Variants in DCDC2 observed in about 807,000 individuals in gnomAD.
The protein encoded by DCDC2 is doublecortin domain containing 2.
In DCDC2, 40 loss-of-function variants were observed where a neutral mutation model predicts 50.2. The ratio of observed to expected loss-of-function variants is 0.80; its 90% CI spans 0.62 to 1.04. The LOEUF (loss-of-function observed/expected upper bound fraction) is 1.04. DCDC2 is among the 50% of genes least tolerant of loss of function. DCDC2 has a pLI of 0.00. For missense variants in DCDC2, 570 were observed against 581.9 expected (o/e 0.98, Z 0.21); for synonymous variants, 234 against 210.6 (o/e 1.11, Z -0.96).
At chr6:24,281,771 A>T (rs975001854) in intron 6 of DCDC2, among the ~76,000 whole-genome samples, 1 of 152,122 alleles carries the variant, frequency 6.6e-6, no homozygotes, top group African/African-American at 2.4e-5. Flanking sequence ...GAGATAGGGG[A>T]GTTTTGCTAT....
At chr6:24,356,305 C>T (rs1006716229) in intron 1 of DCDC2, among the ~76,000 whole-genome samples, 3 of 152,180 alleles carry the variant, frequency 2.0e-5, no homozygotes, top group Admixed American at 6.5e-5. Context: ...ATAAGCCAGA[C>T]ATAAAGACCA....
intron 8 of DCDC2, among the ~76,000 whole-genome samples, chr6:24,198,608 G>T (rs1016091143): frequency 6.8e-6 from 1 of 147,156 alleles, no homozygotes; most frequent in African/African-American, 2.5e-5. Flanking sequence ...GCTAGCTACA[G>T]TTTTTTTTTT....
chr6:24,176,497 T>A (rs1047716637), intron 9 of DCDC2, among the ~76,000 whole-genome samples: 15 of 152,164 alleles, frequency 9.9e-5, no homozygotes, highest in African/African-American at 3.4e-4. Flanking sequence ...TCATTTGTCA[T>A]AATTGGCAAA....
intron 1 of DCDC2, chr6:24,357,220 G>A (rs1760485926): frequency 6.9e-6 from 3 of 433,530 alleles, no homozygotes; most frequent in Non-Finnish European, 1.2e-5. Flanking sequence ...GATTCCTGTT[G>A]TTTATACACA....
chr6:24,251,343 T>C (rs990256152), intron 7 of DCDC2, among the ~76,000 whole-genome samples: 1 of 152,188 alleles, frequency 6.6e-6, no homozygotes, highest in African/African-American at 2.4e-5. Flanking sequence ...TGCTGTGCTT[T>C]TCCTTATTAG....
chr6:24,337,047 C>T (rs1760068428), intron 2 of DCDC2, among the ~76,000 whole-genome samples: 1 of 152,138 alleles, frequency 6.6e-6, no homozygotes, highest in Non-Finnish European at 1.5e-5. Context: ...ATGATGCTCT[C>T]CCCTATTATC....
intron 7 of DCDC2, among the ~76,000 whole-genome samples, chr6:24,237,172 C>G (rs1465319923): frequency 7.5e-6 from 1 of 134,092 alleles, no homozygotes; most frequent in Admixed American, 7.2e-5. Flanking sequence ...GTCAGAATGG[C>G]TATCATGAAA....
intron 7 of DCDC2, among the ~76,000 whole-genome samples, chr6:24,274,758 C>T (rs867989213): frequency 1.1e-4 from 16 of 151,056 alleles, no homozygotes; most frequent in Admixed American, 5.3e-4. Context: ...TAAAAAATAA[C>T]GAAAAAATAT....
chr6:24,313,773 G>T (rs768558178), intron 2 of DCDC2, among the ~76,000 whole-genome samples: 4 of 152,178 alleles, frequency 2.6e-5, no homozygotes, highest in Non-Finnish European at 4.4e-5. Context: ...CCAACAGATG[G>T]CAAGAAAAGG....
At position 24,242,019 on chromosome 6, in the gene DCDC2, T is replaced by A. The variant is rs554396248; in HGVS notation, c.922+36030A>T. On this transcript the variant is annotated intron_variant, in intron 7 of 9. Coordinates refer to ENST00000378454, the MANE Select transcript of DCDC2 (RefSeq NM_016356.5). ...AGACCCCATCTCTACCAATTTTTTT[T>A]AAAACATTAGCCTGCTGTGGTGGTG... Among the ~76,000 whole-genome samples, 32 of 152,034 alleles carry A rather than the reference T, an allele frequency of 2.1e-4. 1 individual carries two copies. The East Asian group carries it at 3.7e-3, about 18-fold the overall frequency.
intron 2 of DCDC2, among the ~76,000 whole-genome samples, chr6:24,329,955 T>C (rs935397765): frequency 7.9e-5 from 12 of 152,120 alleles, no homozygotes; most frequent in African/African-American, 2.9e-4. Context: ...TCTTACACTT[T>C]CTTGAATACA....
At chr6:24,358,404 G>A (rs1277335581), upstream of DCDC2, 6 of 157,646 alleles carry the variant, frequency 3.8e-5, no homozygotes, top group African/African-American at 4.9e-5. Flanking sequence ...CTAAGACCAG[G>A]AGTTCTAGAC....
At chr6:24,350,422 A>C (rs541467058) in intron 2 of DCDC2, among the ~76,000 whole-genome samples, 53 of 152,222 alleles carry the variant, frequency 3.5e-4, no homozygotes, top group Non-Finnish European at 5.3e-4. Flanking sequence ...GACTCCACTG[A>C]AATGCAAAGG....
chr6:24,204,560 A>G (rs1330984463), intron 8 of DCDC2, among the ~76,000 whole-genome samples: 3 of 152,172 alleles, frequency 2.0e-5, no homozygotes, highest in African/African-American at 7.2e-5. Flanking sequence ...TGAGTGCAGC[A>G]AACCACCATG....
At chr6:24,320,956 ATT>A (rs757128474) in intron 2 of DCDC2, among the ~76,000 whole-genome samples, 58 of 148,184 alleles carry the variant, frequency 3.9e-4, no homozygotes, top group Non-Finnish European at 6.1e-4. Flanking sequence ...AAATAAAAAA[ATT>A]AAAAAAAAAA....
At chr6:24,182,946 T>C (rs1296916411) in intron 8 of DCDC2, among the ~76,000 whole-genome samples, 1 of 152,184 alleles carries the variant, frequency 6.6e-6, no homozygotes, top group East Asian at 1.9e-4. Context: ...ATGCAGTATA[T>C]CCATACAATG....
chr6:24,270,506 T>C (rs1487190548), intron 7 of DCDC2, among the ~76,000 whole-genome samples: 2 of 152,190 alleles, frequency 1.3e-5, no homozygotes, highest in African/African-American at 4.8e-5. Context: ...ACTGACCCTG[T>C]GCTGACTACT....
intron 8 of DCDC2, among the ~76,000 whole-genome samples, chr6:24,203,308 A>G (rs1761628947): frequency 1.3e-5 from 2 of 152,212 alleles, no homozygotes; most frequent in Admixed American, 1.3e-4. Flanking sequence ...ACTGAGCAGC[A>G]CAGAGTTCTC....
At chr6:24,205,848 T>C (rs1040315711) in intron 7 of DCDC2, among the ~76,000 whole-genome samples, 3 of 152,146 alleles carry the variant, frequency 2.0e-5, no homozygotes, top group Non-Finnish European at 4.4e-5. Flanking sequence ...TGCAGAACCA[T>C]TTGTCATTCT....
Sources: gnomAD v4.1 joint callset for allele counts (sites outside exome capture counted in the v4.1 genomes callset) on GRCh38, gnomAD v4.1.1 for gene constraint, MANE v1.5 for transcripts, NCBI Gene and HGNC (gene_info 2026-07-23, HGNC 2026-07-21) for gene names.